LYPD5: variants seen among roughly 807,000 people sequenced by gnomAD.
LYPD5 encodes LY6/PLAUR domain containing 5, also known as ly6/PLAUR domain-containing protein 5.
A neutral mutation model predicts 19.1 loss-of-function variants in LYPD5; 21 were observed. That is an observed-to-expected ratio of 1.10 (90% CI 0.78 to 1.58). The LOEUF (loss-of-function observed/expected upper bound fraction) is 1.58, where lower values mean the gene tolerates loss of function less well. LYPD5 is among the 40% of genes most tolerant of loss of function. LYPD5 has a pLI of 0.00. For synonymous variants in LYPD5, 128 were observed against 142.7 expected (o/e 0.90, Z 0.74); for missense variants, 287 against 329.8 (o/e 0.87, Z 1.00).
At chr19:43,819,436 T>C (rs1420306130) in intron 1 of LYPD5, among the ~76,000 whole-genome samples, 2 of 151,908 alleles carry the variant, frequency 1.3e-5, no homozygotes, top group Admixed American at 6.6e-5. Flanking sequence ...TAGTGATTAT[T>C]AGTTCTAGCG....
upstream of LYPD5, among the ~76,000 whole-genome samples, chr19:43,807,031 T>C (rs572583626): frequency 6.6e-6 from 1 of 152,328 alleles, no homozygotes; most frequent in African/African-American, 2.4e-5. Context: ...TCCTTCCTTT[T>C]AAAGGCTGAA....
At chr19:43,798,696 CG>C (rs1970172757) in intron 3 of LYPD5, 95 bp from the exon 4 acceptor site, 5 of 1,583,290 alleles carry the variant, frequency 3.2e-6, no homozygotes, top group Non-Finnish European at 3.4e-6. Context: ...TAGCACGTCT[CG>C]GGGGTTGGGA....
chr19:43,820,565 C>G (rs569085834), exon 1 of LYPD5: 6 of 152,370 alleles, frequency 3.9e-5, no homozygotes, highest in African/African-American at 1.4e-4. Flanking sequence ...GGGCATGAGT[C>G]CGCAACGCCC....
intron 1 of LYPD5, among the ~76,000 whole-genome samples, chr19:43,801,174 G>A (rs11666403): frequency 0.3 from 45,575 of 151,906 alleles, 7,303 homozygotes; most frequent in Non-Finnish European, 0.38. Flanking sequence ...GTGAGCCATG[G>A]TTGTGCTACT....
At chr19:43,802,208 C>G in intron 1 of LYPD5, 109 bp downstream of exon 1, 4 of 944,724 alleles carry the variant, frequency 4.2e-6, no homozygotes, top group Non-Finnish European at 6.4e-6. Flanking sequence ...AGGCCCCCAA[C>G]CCCTCCTCCC....
chr19:43,806,114 C>T (rs768444782), upstream of LYPD5, among the ~76,000 whole-genome samples: 2 of 152,134 alleles, frequency 1.3e-5, no homozygotes, highest in African/African-American at 4.8e-5. Context: ...GGAACGGGGC[C>T]GCACAGCAGG....
chr19:43,819,283 C>CTTTTTTTTTTTTTTTTTT (rs560659624), intron 1 of LYPD5, among the ~76,000 whole-genome samples: 3 of 110,514 alleles, frequency 2.7e-5, no homozygotes, highest in Non-Finnish European at 5.4e-5. Flanking sequence ...TCTTCTTCTT[C>CTTTTTTTTTTTTTTTTTT]TTTTTTTTTT....
At chr19:43,816,032 C>CTCTATCTATCTATCTATCTA (rs111461643) in intron 1 of LYPD5, among the ~76,000 whole-genome samples, 1 of 147,748 alleles carries the variant, frequency 6.8e-6, no homozygotes, top group African/African-American at 2.5e-5. Context: ...CCACGCCCCA[C>CTCTATCTATCTATCTATCTA]TCTATCTATC....
intron 1 of LYPD5, among the ~76,000 whole-genome samples, chr19:43,815,331 C>G (rs754234089): frequency 2.1e-4 from 31 of 150,866 alleles, no homozygotes; most frequent in Non-Finnish European, 4.0e-4. Context: ...ATAGTGAGAA[C>G]CTATTTCTAA....
At chr19:43,797,926 A>C (rs1970156014) in intron 4 of LYPD5, 97 bp from the exon 5 acceptor site, 1 of 951,400 alleles carries the variant, frequency 1.1e-6, no homozygotes. Context: ...CTCGGTCCTC[A>C]GACTTGCTTC....
intron 4 of LYPD5, among the ~76,000 whole-genome samples, chr19:43,798,140 T>TCTCCCTCAGACCAGGGTCATGCCTC (rs1970160712): frequency 1.5e-5 from 2 of 132,274 alleles, no homozygotes; most frequent in Non-Finnish European, 3.1e-5. Context: ...GGGCCAGGCT[T>TCTCCCTCAGACCAGGGTCATGCCTC]CTCCCTCAGA....
chr19:43,803,205 C>A (rs578147537), upstream of LYPD5, among the ~76,000 whole-genome samples: 4 of 152,184 alleles, frequency 2.6e-5, no homozygotes, highest in East Asian at 1.9e-4. Flanking sequence ...CCGATAGACA[C>A]GACATGCCCC....
intron 1 of LYPD5, among the ~76,000 whole-genome samples, chr19:43,814,051 C>A (rs1970349137): frequency 6.6e-6 from 1 of 152,186 alleles, no homozygotes; most frequent in African/African-American, 2.4e-5. Context: ...TATGTACGCC[C>A]ATAAATGTAT....
chr19:43,808,498 A>G (rs1294498908), intron 1 of LYPD5, among the ~76,000 whole-genome samples: 2 of 152,246 alleles, frequency 1.3e-5, no homozygotes, highest in African/African-American at 4.8e-5. Context: ...TAATATTTAA[A>G]TTAGGTGGCT....
At chr19:43,806,610 G>A (rs986688665), upstream of LYPD5, among the ~76,000 whole-genome samples, 2 of 152,046 alleles carry the variant, frequency 1.3e-5, no homozygotes, top group African/African-American at 4.8e-5. Flanking sequence ...GTGGTGAGCT[G>A]AGATCACACC....
intron 1 of LYPD5, among the ~76,000 whole-genome samples, chr19:43,815,080 T>C (rs993341938): frequency 1.3e-5 from 2 of 152,224 alleles, no homozygotes; most frequent in African/African-American, 2.4e-5. Flanking sequence ...TGGATAGAGG[T>C]GACACCATCA....
chr19:43,800,886 G>C (rs144167015), intron 1 of LYPD5, among the ~76,000 whole-genome samples: 62 of 151,826 alleles, frequency 4.1e-4, no homozygotes, highest in African/African-American at 1.2e-3. Flanking sequence ...GCTGGAGCCT[G>C]GGAAGCAGAG....
chr19:43,815,926 G>C (rs994165551), intron 1 of LYPD5, among the ~76,000 whole-genome samples: 1 of 151,974 alleles, frequency 6.6e-6, no homozygotes, highest in African/African-American at 2.4e-5. Flanking sequence ...TAGAGATGGA[G>C]TTTCACCATG....
intron 1 of LYPD5, among the ~76,000 whole-genome samples, chr19:43,814,931 CTATT>C (rs1306249631): frequency 6.6e-6 from 1 of 152,172 alleles, no homozygotes; most frequent in Non-Finnish European, 1.5e-5. Context: ...ATCACAGACT[CTATT>C]AGTACTCAGC....
Sources: allele counts gnomAD v4.1 joint callset (sites outside exome capture counted in the v4.1 genomes callset), GRCh38; gene constraint gnomAD v4.1.1; transcripts MANE v1.5; gene names NCBI Gene and HGNC (gene_info 2026-07-23, HGNC 2026-07-21).